Variants in PLEKHM3 observed in about 807,000 individuals in gnomAD.
The protein encoded by PLEKHM3 is pleckstrin homology domain-containing family M member 3.
Under a neutral mutation model 81.8 loss-of-function variants are expected in PLEKHM3, and 45 were observed. The observed-to-expected ratio is 0.55, with a 90% confidence interval of 0.43 to 0.71. The LOEUF (loss-of-function observed/expected upper bound fraction) is 0.71, where lower values mean the gene tolerates loss of function less well. PLEKHM3 is among the 30% of genes least tolerant of loss of function. The probability of loss-of-function intolerance (pLI) is 0.00; values close to 1 mark genes in which losing one functional copy is unlikely to be tolerated. For missense variants in PLEKHM3, 788 were observed against 924.3 expected (o/e 0.85, Z 1.91); for synonymous variants, 352 against 356.4 (o/e 0.99, Z 0.14).
chr2:207,980,491 C>T (rs1005206355), intron 2 of PLEKHM3, among the ~76,000 whole-genome samples: 1 of 152,196 alleles, frequency 6.6e-6, no homozygotes, highest in African/African-American at 2.4e-5. Context: ...AACTCAGCTT[C>T]AGCCCTCTTT....
At chr2:207,877,191 T>G (rs991613484) in intron 6 of PLEKHM3, among the ~76,000 whole-genome samples, 1 of 151,986 alleles carries the variant, frequency 6.6e-6, no homozygotes, top group African/African-American at 2.4e-5. Context: ...ACCTGAGACA[T>G]GTTCAGAGGT....
chr2:208,022,121 T>C (rs1197092377), intron 1 of PLEKHM3, among the ~76,000 whole-genome samples: 1 of 152,186 alleles, frequency 6.6e-6, no homozygotes, highest in African/African-American at 2.4e-5. Flanking sequence ...CAATGAGCTG[T>C]TCGGAAAGGT....
At chr2:207,926,901 C>T (rs12475798) in intron 5 of PLEKHM3, among the ~76,000 whole-genome samples, 2 of 152,132 alleles carry the variant, frequency 1.3e-5, no homozygotes, top group African/African-American at 4.8e-5. Flanking sequence ...GGCGGTCGAG[C>T]GCTAATACAA....
intron 1 of PLEKHM3, among the ~76,000 whole-genome samples, chr2:208,011,919 C>A (rs1361441491): frequency 6.6e-6 from 1 of 151,000 alleles, no homozygotes; most frequent in African/African-American, 2.4e-5. Flanking sequence ...TGCTCAGCCT[C>A]CTGAGTAACT....
At chr2:207,999,374 G>A (rs534313094) in intron 2 of PLEKHM3, among the ~76,000 whole-genome samples, 1 of 152,126 alleles carries the variant, frequency 6.6e-6, no homozygotes, top group East Asian at 1.9e-4. Flanking sequence ...CAGCTACTTG[G>A]GTGGCTGAAA....
At chr2:207,869,151 A>G (rs1367767708) in intron 6 of PLEKHM3, among the ~76,000 whole-genome samples, 1 of 152,186 alleles carries the variant, frequency 6.6e-6, no homozygotes, top group Non-Finnish European at 1.5e-5. Context: ...CAACCCCTCA[A>G]AAAGTCAAAA....
chr2:207,914,322 C>T (rs1004116166), intron 5 of PLEKHM3, among the ~76,000 whole-genome samples: 2 of 151,934 alleles, frequency 1.3e-5, no homozygotes, highest in Non-Finnish European at 2.9e-5. Flanking sequence ...ATGAAGAAAC[C>T]CCATCTCTAC....
chr2:207,855,750 T>A (rs190830592), intron 7 of PLEKHM3, among the ~76,000 whole-genome samples: 1 of 152,238 alleles, frequency 6.6e-6, no homozygotes, highest in East Asian at 1.9e-4. Context: ...CCAACAGAGA[T>A]ATTCTATAAA....
At chr2:207,850,076 C>G (rs1038562949) in intron 7 of PLEKHM3, among the ~76,000 whole-genome samples, 10 of 152,308 alleles carry the variant, frequency 6.6e-5, no homozygotes, top group African/African-American at 2.4e-4. Flanking sequence ...AAGGACCAAA[C>G]ACAGGAGGCA....
chr2:207,977,362 C>T lies in PLEKHM3; in HGVS notation c.835G>A (p.Val279Ile), dbSNP rs1452891829. 8 of 1,613,978 alleles carry T rather than the reference C, an allele frequency of 5.0e-6. No homozygotes were observed. The highest frequency in any genetic ancestry group is 3.3e-5 in the South Asian group (3 of 91,068). ...TGTAGCTGAGTGTTGTCATACAAAA[C>T]AGTATCCACCATCCTGGCCTCCAGG... ...GNLEARMVDTVLYDNTQLQLK... is the reference protein window; with the variant it reads ...GNLEARMVDTILYDNTQLQLK... Residue 279 changes from valine (V) to isoleucine (I), a missense_variant, in exon 3 of 8, where the codon GTT (valine) becomes ATT (isoleucine). Val to Ile is a conservative substitution (Grantham distance 29). Transcript: ENST00000427836.
At chr2:208,004,350 G>A (rs1032239488) in intron 1 of PLEKHM3, among the ~76,000 whole-genome samples, 13 of 151,814 alleles carry the variant, frequency 8.6e-5, no homozygotes, top group Non-Finnish European at 1.0e-4. Flanking sequence ...CCAGAGAGTC[G>A]GAGGTTGCAG....
At chr2:207,985,056 G>A (rs921869205) in intron 2 of PLEKHM3, among the ~76,000 whole-genome samples, 2 of 151,752 alleles carry the variant, frequency 1.3e-5, no homozygotes. Flanking sequence ...TAATTAGGGG[G>A]TTCAGAGTAT....
chr2:207,882,363 G>A (rs1048035885), intron 6 of PLEKHM3, among the ~76,000 whole-genome samples: 2 of 151,556 alleles, frequency 1.3e-5, no homozygotes, highest in Non-Finnish European at 2.9e-5. Flanking sequence ...TGTAATCATA[G>A]CACTTTGGGA....
chr2:207,972,732 G>T (rs116537455), intron 3 of PLEKHM3, among the ~76,000 whole-genome samples: 2 of 152,012 alleles, frequency 1.3e-5, no homozygotes, highest in Admixed American at 6.5e-5. Flanking sequence ...GAAATATACC[G>T]TTATGTATCA....
chr2:207,987,974 A>G (rs1559271758), intron 2 of PLEKHM3, among the ~76,000 whole-genome samples: 1 of 152,226 alleles, frequency 6.6e-6, no homozygotes, highest in Non-Finnish European at 1.5e-5. Flanking sequence ...TTCTCTATTT[A>G]AATCTAGCTT....
At chr2:207,844,558 G>T (rs775434768) in intron 7 of PLEKHM3, among the ~76,000 whole-genome samples, 56 of 151,898 alleles carry the variant, frequency 3.7e-4, no homozygotes, top group Non-Finnish European at 6.3e-4. Flanking sequence ...CACCCGCCTA[G>T]GCCTCCCAAA....
At chr2:207,981,520 A>G (rs1217577600) in intron 2 of PLEKHM3, among the ~76,000 whole-genome samples, 3 of 151,878 alleles carry the variant, frequency 2.0e-5, no homozygotes, top group African/African-American at 7.3e-5. Flanking sequence ...TTATTTTTTT[A>G]TTTCTTTGTA....
At chr2:207,850,312 T>A (rs2092405823) in intron 7 of PLEKHM3, among the ~76,000 whole-genome samples, 1 of 152,180 alleles carries the variant, frequency 6.6e-6, no homozygotes, top group African/African-American at 2.4e-5. Context: ...CAACACCAGT[T>A]TTCAGTAGAA....
chr2:207,888,921 C>A (rs551884840), intron 6 of PLEKHM3, among the ~76,000 whole-genome samples: 1 of 152,120 alleles, frequency 6.6e-6, no homozygotes. Context: ...GGTCTGGGTA[C>A]GAAATCAAAA....
Sources: gnomAD v4.1 joint callset for allele counts (sites outside exome capture counted in the v4.1 genomes callset) on GRCh38, gnomAD v4.1.1 for gene constraint, MANE v1.5 for transcripts, NCBI Gene and HGNC (gene_info 2026-07-23, HGNC 2026-07-21) for gene names.